EPB41L4A: variants seen among roughly 807,000 people sequenced by gnomAD.
EPB41L4A encodes band 4.1-like protein 4A.
Under a neutral mutation model 108.6 loss-of-function variants are expected in EPB41L4A, and 100 were observed. That is an observed-to-expected ratio of 0.92 (90% CI 0.78 to 1.09). The LOEUF (loss-of-function observed/expected upper bound fraction) is 1.09, where lower values mean the gene tolerates loss of function less well. Ranked by LOEUF, EPB41L4A falls within the 50% of genes least tolerant of loss-of-function variation. The probability of loss-of-function intolerance (pLI) is 0.00; values close to 1 mark genes in which losing one functional copy is unlikely to be tolerated. For missense variants in EPB41L4A, 1,030 were observed against 842.7 expected, an observed-to-expected ratio of 1.22 and a Z score of -2.75; for synonymous variants, 319 against 289.0, an observed-to-expected ratio of 1.10 and a Z score of -1.05.
chr5:112,251,865 TAAG>T (rs1750700020), intron 9 of EPB41L4A, among the ~76,000 whole-genome samples: 1 of 152,132 alleles, frequency 6.6e-6, no homozygotes, highest in Admixed American at 6.5e-5. Context: ...ACATGAATGA[TAAG>T]AAGGAGAGAA....
intron 12 of EPB41L4A, among the ~76,000 whole-genome samples, chr5:112,225,363 A>C (rs1748379626): frequency 6.6e-6 from 1 of 152,206 alleles, no homozygotes; most frequent in Non-Finnish European, 1.5e-5. Flanking sequence ...AGAAATTCCT[A>C]ACATTTGAGT....
rs2150571314 is a variant in EPB41L4A at position 112,303,835 on chromosome 5, G to A, written c.204+3551C>T. Among the ~76,000 whole-genome samples, 2 of 152,234 alleles carry A rather than the reference G, an allele frequency of 1.3e-5. 1 individual carries two copies. On this transcript the variant is annotated intron_variant, in intron 2 of 22. Transcript: ENST00000261486. ...ACAAGGTTTTCTGAAGTTTACGCGTGATGCAGAAGGAGCCAAAGACAGCAG... is the reference window on the plus strand; with the variant it reads ...ACAAGGTTTTCTGAAGTTTACGCGTAATGCAGAAGGAGCCAAAGACAGCAG...
At chr5:112,363,161 C>A (rs1161633992) in intron 1 of EPB41L4A, among the ~76,000 whole-genome samples, 2 of 152,182 alleles carry the variant, frequency 1.3e-5, no homozygotes, top group African/African-American at 2.4e-5. Context: ...CTAAACCCTG[C>A]AGCACCTCCT....
intron 7 of EPB41L4A, among the ~76,000 whole-genome samples, chr5:112,261,472 T>C (rs574514087): frequency 1.3e-5 from 2 of 152,346 alleles, no homozygotes; most frequent in African/African-American, 4.8e-5. Flanking sequence ...ACCTGGCTCA[T>C]TTCCTCAAAT....
intron 9 of EPB41L4A, among the ~76,000 whole-genome samples, chr5:112,251,583 C>T (rs1417483355): frequency 6.6e-6 from 1 of 152,030 alleles, no homozygotes; most frequent in Non-Finnish European, 1.5e-5. Flanking sequence ...GAAAAAAATG[C>T]TTATCTTTAC....
intron 4 of EPB41L4A, among the ~76,000 whole-genome samples, chr5:112,268,953 C>A (rs1477097316): frequency 3.4e-5 from 5 of 145,100 alleles, no homozygotes; most frequent in African/African-American, 1.0e-4. Flanking sequence ...GAAAGAGGAA[C>A]AGAGGAACAG....
intron 1 of EPB41L4A, among the ~76,000 whole-genome samples, chr5:112,360,280 ACCCTCTC>A (rs1157946443): frequency 3.3e-5 from 5 of 151,786 alleles, no homozygotes; most frequent in South Asian, 2.1e-4. Context: ...CTGACCCTCG[ACCCTCTC>A]CCCTCTCCCC....
At chr5:112,318,028 TC>T (rs778815764) in intron 1 of EPB41L4A, among the ~76,000 whole-genome samples, 6 of 152,192 alleles carry the variant, frequency 3.9e-5, no homozygotes, top group Non-Finnish European at 7.4e-5. Flanking sequence ...CAATTCTGAT[TC>T]TTAGATACCT....
At chr5:112,340,807 T>C (rs901834826) in intron 1 of EPB41L4A, among the ~76,000 whole-genome samples, 14 of 152,348 alleles carry the variant, frequency 9.2e-5, no homozygotes, top group African/African-American at 3.4e-4. Flanking sequence ...GGATAGAGAT[T>C]CAATTTCGAC....
intron 18 of EPB41L4A, among the ~76,000 whole-genome samples, chr5:112,177,538 G>T (rs1760931868): frequency 6.6e-6 from 1 of 151,882 alleles, no homozygotes; most frequent in African/African-American, 2.4e-5. Flanking sequence ...ATATATCAGG[G>T]GTCATTATTC....
intron 1 of EPB41L4A, among the ~76,000 whole-genome samples, chr5:112,361,262 G>A (rs1758735236): frequency 6.6e-6 from 1 of 152,158 alleles, no homozygotes; most frequent in Non-Finnish European, 1.5e-5. Context: ...GTCCACTAAG[G>A]GTTAAATGGA....
intron 3 of EPB41L4A, among the ~76,000 whole-genome samples, chr5:112,275,773 A>G (rs1474955014): frequency 6.6e-6 from 1 of 152,184 alleles, no homozygotes; most frequent in Non-Finnish European, 1.5e-5. Context: ...TTAAAAAAAA[A>G]TAGTTTTTAA....
intron 5 of EPB41L4A, among the ~76,000 whole-genome samples, 200 bp from the exon 6 acceptor site, chr5:112,265,216 G>A (rs953541847): frequency 6.6e-6 from 1 of 152,134 alleles, no homozygotes; most frequent in East Asian, 1.9e-4. Flanking sequence ...CTTAAAAACA[G>A]AAGTTCTTTA....
intron 4 of EPB41L4A, 96 bp downstream of exon 4, chr5:112,275,229 CA>C: frequency 1.4e-6 from 2 of 1,396,700 alleles, no homozygotes; most frequent in Non-Finnish European, 1.9e-6. Flanking sequence ...CAGGTAGACA[CA>C]CATCCAAACG....
chr5:112,345,567 T>C (rs1342189825), intron 1 of EPB41L4A, among the ~76,000 whole-genome samples: 1 of 152,114 alleles, frequency 6.6e-6, no homozygotes, highest in Non-Finnish European at 1.5e-5. Flanking sequence ...TATTACTGGA[T>C]TGCAATATAT....
At chr5:112,225,009 C>A (rs1009176604) in intron 12 of EPB41L4A, among the ~76,000 whole-genome samples, 5 of 152,190 alleles carry the variant, frequency 3.3e-5, no homozygotes, top group Non-Finnish European at 7.4e-5. Flanking sequence ...AAAAACTTCA[C>A]AATACCCGTC....
intron 13 of EPB41L4A, chr5:112,206,999 G>C (rs1202761739): frequency 6.6e-6 from 1 of 152,168 alleles, no homozygotes; most frequent in Non-Finnish European, 1.5e-5. Context: ...TAAGCAGAAA[G>C]AACAAAGCTG....
At chr5:112,320,116 C>T (rs946512921) in intron 1 of EPB41L4A, among the ~76,000 whole-genome samples, 1 of 152,192 alleles carries the variant, frequency 6.6e-6, no homozygotes, top group African/African-American at 2.4e-5. Context: ...ATTCAAGGCA[C>T]TTGAGAAGTT....
intron 3 of EPB41L4A, 52 bp downstream of exon 3, chr5:112,280,220 T>C: frequency 6.6e-7 from 1 of 1,510,806 alleles, no homozygotes; most frequent in Non-Finnish European, 9.2e-7. Context: ...AATCATGGAC[T>C]TTGTCATCGT....
Sources: gnomAD v4.1 joint callset for allele counts (sites outside exome capture counted in the v4.1 genomes callset) on GRCh38, gnomAD v4.1.1 for gene constraint, MANE v1.5 for transcripts, NCBI Gene and HGNC (gene_info 2026-07-23, HGNC 2026-07-21) for gene names.